Variants in DLG2 observed in about 807,000 individuals in gnomAD.
The protein encoded by DLG2 is disks large homolog 2.
DLG2 carries 45 observed loss-of-function variants against 132.5 expected under a neutral mutation model. The ratio of observed to expected loss-of-function variants is 0.34; its 90% confidence interval spans 0.27 to 0.44. The LOEUF is 0.44. Among genes scored for constraint, DLG2 ranks in the 20% least tolerant of loss-of-function variants. DLG2 has a pLI of 1.00. For missense variants in DLG2, 1,045 were observed against 1,196.9 expected (o/e 0.87, Z 1.87); for synonymous variants, 424 against 419.6 (o/e 1.01, Z -0.13).
At chr11:84,987,076 A>C (rs1402803011) in intron 6 of DLG2, among the ~76,000 whole-genome samples, 1 of 152,168 alleles carries the variant, frequency 6.6e-6, no homozygotes, top group Non-Finnish European at 1.5e-5. Flanking sequence ...TCTGGACACA[A>C]AATTAATTTA....
chr11:84,280,531 A>C (rs1252759548), intron 7 of DLG2, among the ~76,000 whole-genome samples: 1 of 152,118 alleles, frequency 6.6e-6, no homozygotes, highest in African/African-American at 2.4e-5. Context: ...TGACTCCCAA[A>C]GTGCTGGGAT....
intron 7 of DLG2, among the ~76,000 whole-genome samples, chr11:84,422,049 G>A (rs992814868): frequency 2.0e-5 from 3 of 152,160 alleles, no homozygotes; most frequent in Non-Finnish European, 2.9e-5. Context: ...ATGCTATATG[G>A]TCGTCCACTC....
intron 3 of DLG2, among the ~76,000 whole-genome samples, chr11:85,324,398 G>A (rs537263474): frequency 1.2e-4 from 18 of 152,052 alleles, no homozygotes; most frequent in Admixed American, 3.3e-4. Context: ...TTACTACAGA[G>A]TTAGAACTCA....
intron 7 of DLG2, among the ~76,000 whole-genome samples, chr11:84,356,010 G>T (rs1294627012): frequency 6.6e-6 from 1 of 152,084 alleles, no homozygotes; most frequent in Non-Finnish European, 1.5e-5. Flanking sequence ...TTTCCAAATA[G>T]AAGGATTAAG....
chr11:84,540,848 ATAC>A (rs1460841711), intron 6 of DLG2, among the ~76,000 whole-genome samples: 2 of 152,220 alleles, frequency 1.3e-5, no homozygotes, highest in Non-Finnish European at 2.9e-5. Flanking sequence ...ACACCATGGA[ATAC>A]TATGCAGCCA....
At chr11:85,461,973 A>G (rs1312217529) in intron 3 of DLG2, among the ~76,000 whole-genome samples, 4 of 152,200 alleles carry the variant, frequency 2.6e-5, no homozygotes, top group Non-Finnish European at 5.9e-5. Flanking sequence ...ACACAACCCC[A>G]CCAAAAAGTG....
At chr11:85,003,637 GA>G (rs1566623461) in intron 6 of DLG2, among the ~76,000 whole-genome samples, 1 of 152,082 alleles carries the variant, frequency 6.6e-6, no homozygotes, top group Non-Finnish European at 1.5e-5. Context: ...AGAAAAAAAT[GA>G]GACCTTCTTT....
At chr11:85,059,973 C>T (rs1294056553) in intron 6 of DLG2, among the ~76,000 whole-genome samples, 1 of 151,112 alleles carries the variant, frequency 6.6e-6, no homozygotes, top group Non-Finnish European at 1.5e-5. Flanking sequence ...TAAAATCTAC[C>T]CTCTTAAATT....
chr11:83,850,781 G>A (rs912332087), intron 16 of DLG2, among the ~76,000 whole-genome samples: 7 of 152,116 alleles, frequency 4.6e-5, no homozygotes, highest in East Asian at 1.9e-4. Flanking sequence ...TACTGGGCTC[G>A]ACCCTGGCTG....
chr11:85,497,994 A>G (rs1010303237), intron 3 of DLG2, among the ~76,000 whole-genome samples: 1 of 152,218 alleles, frequency 6.6e-6, no homozygotes, highest in African/African-American at 2.4e-5. Context: ...TGTAAAGACC[A>G]TCGATGCTAT....
At chr11:83,955,060 C>T (rs186382562) in intron 14 of DLG2, among the ~76,000 whole-genome samples, 7 of 152,164 alleles carry the variant, frequency 4.6e-5, no homozygotes, top group Admixed American at 2.0e-4. Flanking sequence ...ATTTGTATCA[C>T]GGTTCATCTT....
At chr11:83,927,169 A>G (rs970239560) in intron 15 of DLG2, among the ~76,000 whole-genome samples, 6 of 152,096 alleles carry the variant, frequency 3.9e-5, no homozygotes, top group Non-Finnish European at 8.8e-5. Context: ...TTTTATTTCC[A>G]TGTTTATGTA....
At chr11:84,233,670 T>C (rs1283737173) in intron 8 of DLG2, among the ~76,000 whole-genome samples, 1 of 152,204 alleles carries the variant, frequency 6.6e-6, no homozygotes, top group Non-Finnish European at 1.5e-5. Context: ...TTGCACCCTA[T>C]GTAAATCAGA....
chr11:85,050,799 A>G (rs528520618), intron 6 of DLG2, among the ~76,000 whole-genome samples: 1 of 152,280 alleles, frequency 6.6e-6, no homozygotes, highest in Admixed American at 6.5e-5. Context: ...GATTCTTTCA[A>G]TCATGTCTCA....
At chr11:85,088,740 G>A (rs2068317490) in intron 6 of DLG2, among the ~76,000 whole-genome samples, 1 of 152,090 alleles carries the variant, frequency 6.6e-6, no homozygotes, top group Non-Finnish European at 1.5e-5. Flanking sequence ...CTTTAAGCTT[G>A]TTAAAGAAAA....
rs143731643 is a variant in DLG2 at position 83,847,977 on chromosome 11, C to T, written c.1566-14207G>A. ...GCTACCAGTCATATGTGTTAGTAAG[C>T]ACTTGAAGTGTGGTTGGTGTGATGG... On this transcript the variant is annotated intron_variant, in intron 16 of 27. Coordinates refer to ENST00000376104, the MANE Select transcript of DLG2 (RefSeq NM_001142699.3). Among the ~76,000 whole-genome samples the T allele has an allele frequency of 7.7e-4, 117 of 152,256 alleles. 2 individuals are homozygous for T. Among genetic ancestry groups the T allele is most frequent in the Admixed American group, 2.7e-3 (41 of 15,292 alleles).
At chr11:84,694,635 A>G (rs1317425842) in intron 6 of DLG2, among the ~76,000 whole-genome samples, 2 of 151,590 alleles carry the variant, frequency 1.3e-5, no homozygotes, top group Non-Finnish European at 3.0e-5. Context: ...ATCAGAGAAT[A>G]AGCCATAATT....
At chr11:85,622,550 G>A (rs1242697244) in intron 2 of DLG2, among the ~76,000 whole-genome samples, 5 of 151,380 alleles carry the variant, frequency 3.3e-5, no homozygotes, top group African/African-American at 2.4e-5. Context: ...GCCATAATGT[G>A]CAGGAAACAA....
chr11:85,188,925 C>T (rs1015555192), intron 4 of DLG2, among the ~76,000 whole-genome samples: 3 of 152,022 alleles, frequency 2.0e-5, no homozygotes, highest in Non-Finnish European at 4.4e-5. Context: ...GGGAAACAGA[C>T]AGTAAAAATA....
Sources: gnomAD v4.1 joint callset for allele counts (sites outside exome capture counted in the v4.1 genomes callset) on GRCh38, gnomAD v4.1.1 for gene constraint, MANE v1.5 for transcripts, NCBI Gene and HGNC (gene_info 2026-07-23, HGNC 2026-07-21) for gene names.